The following TTLL5 variants were observed in gnomAD, a reference collection of about 807,000 sequenced individuals.
TTLL5 encodes the protein tubulin polyglutamylase TTLL5.
A neutral mutation model predicts 168.4 loss-of-function variants in TTLL5; 132 were observed. That is an observed-to-expected ratio of 0.78 (90% confidence interval 0.68 to 0.91). The LOEUF (loss-of-function observed/expected upper bound fraction) is 0.91. Among genes scored for constraint, TTLL5 ranks in the 40% least tolerant of loss-of-function variants. TTLL5 has a pLI of 0.00. For missense variants in TTLL5, 1,545 were observed against 1,581.5 expected (o/e 0.98, Z 0.39); for synonymous variants, 546 against 558.6 (o/e 0.98, Z 0.32).
chr14:75,927,627 C>G (rs964273108), intron 31 of TTLL5, among the ~76,000 whole-genome samples: 3 of 152,144 alleles, frequency 2.0e-5, no homozygotes, highest in Admixed American at 2.0e-4. Context: ...GAAGTGTGTT[C>G]TAAGGTCTTA....
chr14:75,769,471 G>A (rs915410771), intron 20 of TTLL5, among the ~76,000 whole-genome samples: 1 of 152,084 alleles, frequency 6.6e-6, no homozygotes, highest in Non-Finnish European at 1.5e-5. Context: ...GCTGAACAAT[G>A]TGTCCAATAC....
rs559836091 is a variant in TTLL5 at position 75,898,473 on chromosome 14, C to T, written c.3741-3669C>T. Among the ~76,000 whole-genome samples, 5 of 152,152 alleles carry T rather than the reference C, an allele frequency of 3.3e-5. No homozygotes were observed. In the East Asian group the frequency reaches 9.6e-4, roughly 29 times the overall value. The stretch of plus-strand genomic sequence containing the variant: ...CCTGGGTGACATGGCAAAACTCTGT[C>T]TCCACAAAAAATACAAAAATTAGCC... On this transcript the variant is annotated intron_variant, in intron 30 of 31. Coordinates refer to ENST00000298832, the MANE Select transcript of TTLL5 (RefSeq NM_015072.5).
intron 12 of TTLL5, among the ~76,000 whole-genome samples, chr14:75,730,370 A>G (rs1888456577): frequency 1.3e-5 from 2 of 152,236 alleles, no homozygotes; most frequent in South Asian, 4.1e-4. Context: ...AAAAGAAGAG[A>G]TGAAAGAGCT....
At chr14:75,737,809 A>G (rs1889002751) in intron 15 of TTLL5, among the ~76,000 whole-genome samples, 1 of 152,262 alleles carries the variant, frequency 6.6e-6, no homozygotes, top group Admixed American at 6.5e-5. Context: ...GAACTTAGGG[A>G]TCCTCTTTTC....
chr14:75,892,676 C>A (rs529122376), intron 30 of TTLL5, among the ~76,000 whole-genome samples: 1 of 152,152 alleles, frequency 6.6e-6, no homozygotes, highest in Non-Finnish European at 1.5e-5. Flanking sequence ...AGGTTGAAAA[C>A]CCTGCACTGA....
chr14:75,950,901 G>A (rs568435438), intron 31 of TTLL5, among the ~76,000 whole-genome samples: 4 of 152,040 alleles, frequency 2.6e-5, no homozygotes, highest in East Asian at 3.9e-4. Context: ...TCAGGAGGTC[G>A]GGGCTTCAGT....
chr14:75,823,057 G>A (rs1365372721), intron 28 of TTLL5, among the ~76,000 whole-genome samples: 1 of 152,172 alleles, frequency 6.6e-6, no homozygotes. Flanking sequence ...ACAGTCACAT[G>A]TTTAGAAGCC....
At chr14:75,828,258 A>G (rs1236979846) in intron 28 of TTLL5, among the ~76,000 whole-genome samples, 1 of 152,116 alleles carries the variant, frequency 6.6e-6, no homozygotes, top group Non-Finnish European at 1.5e-5. Flanking sequence ...ATCTACTTAT[A>G]TGTGGCTTTT....
At chr14:75,714,384 C>T (rs896836023) in intron 9 of TTLL5, among the ~76,000 whole-genome samples, 1 of 152,104 alleles carries the variant, frequency 6.6e-6, no homozygotes, top group Non-Finnish European at 1.5e-5. Context: ...TTCTTCATCT[C>T]ATTTCTCATT....
At chr14:75,784,195 C>T (rs1892234389) in intron 26 of TTLL5, among the ~76,000 whole-genome samples, 1 of 152,150 alleles carries the variant, frequency 6.6e-6, no homozygotes, top group Non-Finnish European at 1.5e-5. Flanking sequence ...TCTGTTTCTT[C>T]CTCCCCCAAG....
intron 2 of TTLL5, among the ~76,000 whole-genome samples, chr14:75,669,132 A>T (rs886199735): frequency 2.6e-5 from 4 of 152,192 alleles, no homozygotes; most frequent in African/African-American, 9.6e-5. Flanking sequence ...CCTTAAACTT[A>T]TGGGCTCCAA....
At chr14:75,726,904 G>A (rs1888219393) in intron 12 of TTLL5, among the ~76,000 whole-genome samples, 1 of 152,084 alleles carries the variant, frequency 6.6e-6, no homozygotes, top group African/African-American at 2.4e-5. Flanking sequence ...CAAAGCTTAG[G>A]ATGACAGAAT....
intron 28 of TTLL5, among the ~76,000 whole-genome samples, chr14:75,821,269 T>G (rs750111726): frequency 5.0e-4 from 76 of 152,138 alleles, no homozygotes; most frequent in Non-Finnish European, 8.4e-4. Flanking sequence ...AGAATCATCT[T>G]AACTGAGAAT....
chr14:75,714,872 C>T (rs1170555940), intron 9 of TTLL5, among the ~76,000 whole-genome samples: 1 of 152,178 alleles, frequency 6.6e-6, no homozygotes, highest in Non-Finnish European at 1.5e-5. Context: ...CTTTCAGACC[C>T]TGGCCATGAG....
chr14:75,808,103 A>G (rs1468863797), intron 27 of TTLL5, among the ~76,000 whole-genome samples: 1 of 152,190 alleles, frequency 6.6e-6, no homozygotes, highest in African/African-American at 2.4e-5. Context: ...CACAAAATCT[A>G]CATGTATAAA....
chr14:75,848,383 A>G (rs1319186174), intron 28 of TTLL5, among the ~76,000 whole-genome samples: 2 of 151,928 alleles, frequency 1.3e-5, no homozygotes, highest in African/African-American at 2.4e-5. Flanking sequence ...CACTCTAAAA[A>G]CTTTTCCTGG....
chr14:75,693,276 TG>T (rs1186527407), intron 6 of TTLL5, among the ~76,000 whole-genome samples: 1 of 151,950 alleles, frequency 6.6e-6, no homozygotes. Context: ...TAGGGATGGG[TG>T]GGTGTCTAAA....
intron 5 of TTLL5, 99 bp downstream of exon 5, chr14:75,683,755 G>T: frequency 1.8e-5 from 15 of 812,040 alleles, no homozygotes; most frequent in South Asian, 3.2e-5. Context: ...AGAGGAAGAT[G>T]AAAATGAAGA....
intron 28 of TTLL5, among the ~76,000 whole-genome samples, chr14:75,856,525 C>G (rs1897133649): frequency 6.6e-6 from 1 of 151,504 alleles, no homozygotes; most frequent in African/African-American, 2.4e-5. Flanking sequence ...TAATATCTTT[C>G]ATTAGTGTTT....
Sources: gnomAD v4.1 joint callset for allele counts (sites outside exome capture counted in the v4.1 genomes callset) on GRCh38, gnomAD v4.1.1 for gene constraint, MANE v1.5 for transcripts, NCBI Gene and HGNC (gene_info 2026-07-23, HGNC 2026-07-21) for gene names.